UBE2Q2: variants seen among roughly 807,000 people sequenced by gnomAD.
UBE2Q2 encodes the protein ubiquitin conjugating enzyme E2 Q2, also known as ubiquitin-conjugating enzyme E2 Q2.
UBE2Q2 carries 54 observed loss-of-function variants against 59.9 expected under a neutral mutation model. The ratio of observed to expected loss-of-function variants is 0.90; its 90% CI spans 0.72 to 1.13. UBE2Q2 has a LOEUF of 1.13. Among genes scored for constraint, UBE2Q2 ranks in the 50% most tolerant of loss-of-function variants. The probability of loss-of-function intolerance (pLI) is 0.00; values close to 1 mark genes in which losing one functional copy is unlikely to be tolerated. For synonymous variants in UBE2Q2, 165 were observed against 155.2 expected (o/e 1.06, Z -0.47); for missense variants, 433 against 441.9 (o/e 0.98, Z 0.18).
intron 1 of UBE2Q2, 79 bp downstream of exon 1, chr15:75,843,925 C>T (rs2141513653): frequency 2.8e-6 from 4 of 1,445,332 alleles, no homozygotes; most frequent in African/African-American, 1.5e-5. Flanking sequence ...CAAAGGGGAG[C>T]CTGCCCCGGA....
At chr15:75,877,157 G>A (rs1401659020) in intron 6 of UBE2Q2, among the ~76,000 whole-genome samples, 1 of 3,908 alleles carries the variant, frequency 2.6e-4, no homozygotes, top group African/African-American at 5.8e-4. Flanking sequence ...GTGAGACTCT[G>A]TCAAAAAAAA....
At chr15:75,871,976 A>C (rs568987391) in intron 4 of UBE2Q2, among the ~76,000 whole-genome samples, 26 of 152,340 alleles carry the variant, frequency 1.7e-4, no homozygotes, top group Middle Eastern at 3.4e-3. Flanking sequence ...TATAGGAGGA[A>C]ATACAGGCTA....
rs1365626359 is a variant in UBE2Q2, at chr15:75,900,705, G to A, written c.*1247G>A. ...GACTTGTCATTTCTACATTGTGTGTGTTTAATTTCTTTTGATTCCATTTTG... is the reference window on the plus strand; with the variant it reads ...GACTTGTCATTTCTACATTGTGTGTATTTAATTTCTTTTGATTCCATTTTG... On this transcript the variant is annotated 3_prime_UTR_variant, in exon 13 of 13. Transcript: ENST00000267938. The A allele has an allele frequency of 6.6e-6, 1 of 152,600 alleles. No individual in the cohort carries two copies. The highest frequency in any genetic ancestry group is 1.5e-5 in the Non-Finnish European group (1 of 68,036). 9.5% of individuals were successfully genotyped at this position (152,600 alleles called of 1,614,324 possible). A position where few individuals can be genotyped will look rare whatever the true frequency, so the allele number is the denominator to read the frequency against.
intron 4 of UBE2Q2, among the ~76,000 whole-genome samples, chr15:75,872,234 T>A (rs892860302): frequency 1.2e-4 from 18 of 146,112 alleles, no homozygotes; most frequent in African/African-American, 4.0e-4. Context: ...TCTCAAAAAA[T>A]AAAAAAATAA....
chr15:75,871,282 G>A (rs950233023), intron 4 of UBE2Q2, among the ~76,000 whole-genome samples: 16 of 152,168 alleles, frequency 1.1e-4, no homozygotes, highest in South Asian at 2.1e-4. Flanking sequence ...ACGTACAATC[G>A]GGTTTTATAC....
chr15:75,848,106 G>A (rs1402236525), intron 1 of UBE2Q2, among the ~76,000 whole-genome samples: 1 of 152,088 alleles, frequency 6.6e-6, no homozygotes, highest in Non-Finnish European at 1.5e-5. Flanking sequence ...GTGTTTCTGT[G>A]TACTATAGAT....
intron 5 of UBE2Q2, among the ~76,000 whole-genome samples, chr15:75,874,703 T>TA (rs1897980181): frequency 6.6e-6 from 1 of 152,336 alleles, no homozygotes; most frequent in African/African-American, 2.4e-5. Flanking sequence ...AGACAGTACA[T>TA]ACCTTTTGGA....
intron 4 of UBE2Q2, 53 bp downstream of exon 4, chr15:75,869,063 T>C: frequency 6.8e-7 from 1 of 1,462,780 alleles, no homozygotes; most frequent in Non-Finnish European, 9.4e-7. Flanking sequence ...TTTTGAACAT[T>C]TGAGTAATTC....
intron 1 of UBE2Q2, among the ~76,000 whole-genome samples, chr15:75,847,247 C>A (rs1896400008): frequency 6.6e-6 from 1 of 152,164 alleles, no homozygotes; most frequent in Non-Finnish European, 1.5e-5. Context: ...AAAATCTTAA[C>A]TGCCTTGTAA....
At chr15:75,855,645 T>A (rs1420857158) in intron 2 of UBE2Q2, among the ~76,000 whole-genome samples, 2 of 152,234 alleles carry the variant, frequency 1.3e-5, no homozygotes, top group African/African-American at 4.8e-5. Flanking sequence ...GGTTGAAAGC[T>A]CTGTTACATA....
chr15:75,864,523 G>T (rs1229054906), intron 3 of UBE2Q2, among the ~76,000 whole-genome samples: 1 of 151,610 alleles, frequency 6.6e-6, no homozygotes, highest in Non-Finnish European at 1.5e-5. Context: ...CAATCTGGAG[G>T]ATGAGTCTTT....
intron 4 of UBE2Q2, among the ~76,000 whole-genome samples, chr15:75,869,426 A>G (rs1002033234): frequency 6.6e-6 from 1 of 152,236 alleles, no homozygotes; most frequent in Non-Finnish European, 1.5e-5. Flanking sequence ...AAAAATCATC[A>G]AAGAATTTTG....
intron 9 of UBE2Q2, 22 bp from the exon 10 acceptor site, chr15:75,890,413 T>C: frequency 1.3e-6 from 2 of 1,579,796 alleles, no homozygotes; most frequent in Non-Finnish European, 8.5e-7. Context: ...GAATTTTGTA[T>C]GACTCCTTTT....
intron 5 of UBE2Q2, among the ~76,000 whole-genome samples, chr15:75,875,937 G>A (rs190372494): frequency 5.1e-4 from 77 of 151,826 alleles, no homozygotes; most frequent in African/African-American, 1.7e-3. Flanking sequence ...GTGGTGGTGC[G>A]CACCTGTAGT....
intron 9 of UBE2Q2, among the ~76,000 whole-genome samples, chr15:75,884,639 G>T (rs957229131): frequency 4.6e-5 from 7 of 152,004 alleles, no homozygotes; most frequent in African/African-American, 1.7e-4. Flanking sequence ...TCTGCCACAT[G>T]GTAAAGCAAT....
chr15:75,890,572 C>T (rs1410990020), intron 10 of UBE2Q2, 89 bp downstream of exon 10: 7 of 1,109,484 alleles, frequency 6.3e-6, no homozygotes, highest in Non-Finnish European at 9.3e-6. Context: ...TCTTTAATAG[C>T]TCCTACTCTT....
chr15:75,861,897 T>C (rs576823453), intron 3 of UBE2Q2, among the ~76,000 whole-genome samples: 1 of 152,352 alleles, frequency 6.6e-6, no homozygotes, highest in African/African-American at 2.4e-5. Flanking sequence ...GTCATCTGGA[T>C]GCTCAGCTGC....
intron 2 of UBE2Q2, among the ~76,000 whole-genome samples, chr15:75,856,725 G>T (rs1400214084): frequency 6.6e-6 from 1 of 152,114 alleles, no homozygotes; most frequent in African/African-American, 2.4e-5. Context: ...AGGCGGATCA[G>T]TTGAGGTGGG....
At chr15:75,857,629 T>A (rs564502650) in intron 2 of UBE2Q2, among the ~76,000 whole-genome samples, 206 of 152,302 alleles carry the variant, frequency 1.4e-3, no homozygotes, top group African/African-American at 4.7e-3. Flanking sequence ...TTGACCCCTC[T>A]GCAGTATTTT....
Sources: allele counts gnomAD v4.1 joint callset (sites outside exome capture counted in the v4.1 genomes callset), GRCh38; gene constraint gnomAD v4.1.1; transcripts MANE v1.5; gene names NCBI Gene and HGNC (gene_info 2026-07-23, HGNC 2026-07-21).